The following AVL9 variants were observed in gnomAD, a reference collection of about 807,000 sequenced individuals.
The protein encoded by AVL9 is late secretory pathway protein AVL9 homolog.
Under a neutral mutation model 79.2 loss-of-function variants are expected in AVL9, and 49 were observed. The observed-to-expected ratio is 0.62, with a 90% CI of 0.49 to 0.79. The LOEUF (loss-of-function observed/expected upper bound fraction) is 0.79. Ranked by LOEUF, AVL9 falls within the 30% of genes least tolerant of loss-of-function variation. The pLI is 0.00. For missense variants in AVL9, 682 were observed against 776.8 expected (o/e 0.88, Z 1.45); for synonymous variants, 299 against 280.6 (o/e 1.07, Z -0.65).
chr7:32,502,403 A>AG lies in AVL9; in HGVS notation c.93+6601_93+6602insG, dbSNP rs1787171834. Among the ~76,000 whole-genome samples, 6 of 145,428 alleles carry AG rather than the reference A, an allele frequency of 4.1e-5. No individual in the cohort carries two copies. In the Admixed American group the frequency reaches 4.2e-4, roughly 10 times the overall value. On this transcript the variant is annotated intron_variant, in intron 1 of 15. Coordinates refer to ENST00000318709, the MANE Select transcript of AVL9 (RefSeq NM_015060.3). ...GTAAAACCCTTTCTCAAAAAAAAAA[A>AG]AAAAAAGAAAGAAAAGGTATCAAAC...
intron 1 of AVL9, among the ~76,000 whole-genome samples, chr7:32,513,031 C>T (rs1787750314): frequency 6.6e-6 from 1 of 152,154 alleles, no homozygotes; most frequent in Admixed American, 6.5e-5. Context: ...CTTCTACCAA[C>T]TACTTGCTAA....
Position 32,588,066 on chromosome 7 carries a change from TATATGAA to T in AVL9, c.*4161_*4167del, listed in dbSNP as rs1211123682. The T allele has an allele frequency of 6.6e-6, 1 of 152,218 alleles. No individual in the cohort carries two copies. Among genetic ancestry groups the T allele is most frequent in the African/African-American group, 2.4e-5 (1 of 41,458 alleles). 9.4% of individuals were successfully genotyped at this position (152,218 alleles called of 1,614,324 possible). ...CTGTTCTAAAGTTTACCTTTTTACTTATATGAAAGATAACTATATATTTAAATCATGT... is the reference window on the plus strand; with the variant it reads ...CTGTTCTAAAGTTTACCTTTTTACTTAGATAACTATATATTTAAATCATGT... On this transcript the variant is annotated 3_prime_UTR_variant, in exon 16 of 16. Coordinates refer to ENST00000318709, the MANE Select transcript of AVL9 (RefSeq NM_015060.3).
chr7:32,497,385 T>G (rs952713279), intron 1 of AVL9, among the ~76,000 whole-genome samples: 1 of 152,230 alleles, frequency 6.6e-6, no homozygotes, highest in African/African-American at 2.4e-5. Context: ...TGCATAAGTC[T>G]TAGAATGACT....
At chr7:32,505,577 C>G (rs1787377071) in intron 1 of AVL9, among the ~76,000 whole-genome samples, 1 of 151,842 alleles carries the variant, frequency 6.6e-6, no homozygotes, top group African/African-American at 2.4e-5. Flanking sequence ...ATCACAAAAC[C>G]CTACATTCTT....
At position 32,580,786 on chromosome 7, in the gene AVL9, CTT is replaced by C. The variant is rs766066386; in HGVS notation, c.1743-15_1743-14del. 7 of 1,602,140 alleles carry C rather than the reference CTT, an allele frequency of 4.4e-6. No homozygotes were observed. The highest frequency in any genetic ancestry group is 6.0e-6 in the Non-Finnish European group (7 of 1,170,620). ...AAATTGTACCTAACACTTCTTTTATCTTATCTTTTACCCAGTTCTGTTCAGAA... is the reference window on the plus strand; with the variant it reads ...AAATTGTACCTAACACTTCTTTTATCATCTTTTACCCAGTTCTGTTCAGAA... On this transcript the variant is annotated splice_polypyrimidine_tract_variant and intron_variant, in intron 14 of 15. Coordinates refer to ENST00000318709, the MANE Select transcript of AVL9 (RefSeq NM_015060.3).
chr7:32,569,364 C>T (rs183468594), intron 10 of AVL9, among the ~76,000 whole-genome samples: 1 of 143,474 alleles, frequency 7.0e-6, no homozygotes, highest in African/African-American at 2.7e-5. Flanking sequence ...AGGAAGTATG[C>T]TGGATTTTTT....
intron 10 of AVL9, 32 bp from the exon 11 acceptor site, chr7:32,569,988 C>A: frequency 6.2e-7 from 1 of 1,609,676 alleles, no homozygotes; most frequent in African/African-American, 1.3e-5. Context: ...TTTTACTTTT[C>A]TGATATTTTC....
In AVL9 at chr7:32,579,565, TATATTATATTATATATTA is replaced by T. The variant is rs1791384133; in HGVS notation, c.1689-653_1689-636del. Among the ~76,000 whole-genome samples the T allele has an allele frequency of 1.3e-3, 12 of 9,406 alleles. 5 individuals carry two copies. Among genetic ancestry groups the T allele is most frequent in the East Asian group, 2.8e-3 (1 of 354 alleles). 6.2% of individuals were successfully genotyped at this position (9,406 alleles called of 152,430 possible). Reference sequence around the variant, plus strand: ...ATATTATATATTATATATTATATTATATATTATATTATATATTATATATTATATATTATATATTATATT... The same window carrying T: ...ATATTATATATTATATATTATATTATTATATTATATATTATATATTATATT... On this transcript the variant is annotated intron_variant, in intron 13 of 15. Transcript: ENST00000318709.
rs1791439320 is a variant in AVL9, at chr7:32,580,226, T to C, written c.1696T>C (p.Phe566Leu). ...ALAEINPNHP[F>L]QGQYSVSDMK... ...CTCAAACTTTTTTTACAGCCATCCA[T>C]TTCAAGGCCAATACTCAGTATCAGA... Residue 566 changes from phenylalanine (F) to leucine (L), a missense_variant, in exon 14 of 16, where the codon TTT becomes CTT. Coordinates refer to ENST00000318709, the MANE Select transcript of AVL9 (RefSeq NM_015060.3). The C allele has an allele frequency of 1.2e-6, 2 of 1,611,894 alleles. No individual in the cohort carries two copies. Among genetic ancestry groups the C allele is most frequent in the Non-Finnish European group, 1.7e-6 (2 of 1,179,100 alleles).
At chr7:32,577,862 A>T (rs1178924463) in intron 13 of AVL9, among the ~76,000 whole-genome samples, 1 of 152,204 alleles carries the variant, frequency 6.6e-6, no homozygotes, top group African/African-American at 2.4e-5. Flanking sequence ...CAGATATGAT[A>T]GTGCAGGCCA....
intron 13 of AVL9, among the ~76,000 whole-genome samples, chr7:32,578,777 A>G (rs1202954155): frequency 6.6e-6 from 1 of 152,234 alleles, no homozygotes; most frequent in Non-Finnish European, 1.5e-5. Flanking sequence ...ACTGCACTCC[A>G]GCCTGGGTAA....
At chr7:32,577,725 G>A (rs1447750373) in intron 13 of AVL9, among the ~76,000 whole-genome samples, 2 of 152,196 alleles carry the variant, frequency 1.3e-5, no homozygotes, top group Non-Finnish European at 2.9e-5. Context: ...AGACTTAGCT[G>A]AAATGAGTTT....
intron 10 of AVL9, among the ~76,000 whole-genome samples, chr7:32,560,653 G>GTCAAA (rs1790291826): frequency 6.6e-6 from 1 of 152,098 alleles, no homozygotes; most frequent in African/African-American, 2.4e-5. Flanking sequence ...TTGATATTTT[G>GTCAAA]ACCTCCTCCT....
chr7:32,576,143 C>G (rs1214112518), intron 13 of AVL9, 71 bp downstream of exon 13: 1 of 1,024,882 alleles, frequency 9.8e-7, no homozygotes, highest in African/African-American at 1.6e-5. Flanking sequence ...AGAGAAAAAT[C>G]TATTTTAACT....
intron 4 of AVL9, among the ~76,000 whole-genome samples, chr7:32,549,704 GGAGT>G (rs532262723): frequency 3.2e-4 from 49 of 151,748 alleles, no homozygotes; most frequent in African/African-American, 1.1e-3. Flanking sequence ...CATGAGGTCA[GGAGT>G]TTGAGACCAG....
chr7:32,514,087 A>G (rs1189005493), intron 1 of AVL9, among the ~76,000 whole-genome samples: 1 of 152,230 alleles, frequency 6.6e-6, no homozygotes, highest in Non-Finnish European at 1.5e-5. Context: ...TTCCATTCCC[A>G]GAGACATGCA....
rs567620065 is a variant in AVL9 at position 32,583,214 on chromosome 7, G to A, written c.1832-578G>A. Among the ~76,000 whole-genome samples, 103 of 152,312 alleles carry A rather than the reference G, an allele frequency of 6.8e-4. No homozygotes were observed. The Middle Eastern group carries it at 0.01, about 15-fold the overall frequency. ...CTCTAATAATTCTGATACATAGCCA[G>A]TGTTGCTAGCACTGAGGGTATTAAA... On this transcript the variant is annotated intron_variant, in intron 15 of 15. Coordinates refer to ENST00000318709, the MANE Select transcript of AVL9 (RefSeq NM_015060.3).
At chr7:32,534,698 C>T (rs1201964131) in intron 1 of AVL9, 1 of 152,142 alleles carries the variant, frequency 6.6e-6, no homozygotes, top group Non-Finnish European at 1.5e-5. Flanking sequence ...AATCCCAGCA[C>T]TTAGGGAGGC....
At chr7:32,581,820 A>G (rs1043222132) in intron 15 of AVL9, among the ~76,000 whole-genome samples, 3 of 152,240 alleles carry the variant, frequency 2.0e-5, no homozygotes, top group Admixed American at 6.5e-5. Context: ...TTAAAGAAAG[A>G]AAGAAATTAA....
Sources: gnomAD v4.1 joint callset for allele counts (sites outside exome capture counted in the v4.1 genomes callset) on GRCh38, gnomAD v4.1.1 for gene constraint, MANE v1.5 for transcripts, NCBI Gene and HGNC (gene_info 2026-07-23, HGNC 2026-07-21) for gene names.